CCSER1: variants seen among roughly 807,000 people sequenced by gnomAD.
CCSER1 encodes coiled-coil serine rich protein 1, also known as serine-rich coiled-coil domain-containing protein 1.
In CCSER1, 41 loss-of-function variants were observed where a neutral mutation model predicts 82.0. The observed-to-expected ratio is 0.50, with a 90% CI of 0.39 to 0.65. The LOEUF (loss-of-function observed/expected upper bound fraction) is 0.65. CCSER1 is among the 30% of genes least tolerant of loss of function. The pLI is 0.00. For missense variants in CCSER1, 1,119 were observed against 1,064.2 expected (o/e 1.05, Z -0.72); for synonymous variants, 414 against 383.9 (o/e 1.08, Z -0.92).
At chr4:90,448,113 C>G (rs1271500690) in intron 4 of CCSER1, among the ~76,000 whole-genome samples, 3 of 151,986 alleles carry the variant, frequency 2.0e-5, no homozygotes, top group African/African-American at 7.2e-5. Flanking sequence ...TCTAATATAT[C>G]AAGCACCTTC....
At chr4:90,730,594 G>A (rs895356084) in intron 7 of CCSER1, among the ~76,000 whole-genome samples, 49 of 152,240 alleles carry the variant, frequency 3.2e-4, no homozygotes, top group African/African-American at 1.0e-3. Context: ...TGTCAGGTAG[G>A]GTGATAAATG....
chr4:90,625,975 T>C (rs1219208023), intron 5 of CCSER1, among the ~76,000 whole-genome samples: 1 of 152,168 alleles, frequency 6.6e-6, no homozygotes, highest in Non-Finnish European at 1.5e-5. Flanking sequence ...CTGAAAGTTG[T>C]GTCAGTCCTC....
intron 3 of CCSER1, among the ~76,000 whole-genome samples, chr4:90,396,047 C>G (rs574677057): frequency 1.3e-5 from 2 of 152,248 alleles, no homozygotes; most frequent in East Asian, 3.9e-4. Flanking sequence ...CACCCCTGCA[C>G]TCCAGCCTAG....
chr4:91,442,295 C>T (rs1229315653), intron 10 of CCSER1, among the ~76,000 whole-genome samples: 7 of 152,094 alleles, frequency 4.6e-5, no homozygotes, highest in Non-Finnish European at 1.0e-4. Flanking sequence ...TGGAACAGAA[C>T]AGAGCCCTCA....
intron 5 of CCSER1, among the ~76,000 whole-genome samples, chr4:90,604,754 A>C (rs568935294): frequency 6.6e-6 from 1 of 152,180 alleles, no homozygotes; most frequent in South Asian, 2.1e-4. Context: ...TGTCTAGCTC[A>C]TCTAGTGGGG....
chr4:90,260,196 G>A (rs1560896068), intron 1 of CCSER1, among the ~76,000 whole-genome samples: 1 of 152,112 alleles, frequency 6.6e-6, no homozygotes, highest in Non-Finnish European at 1.5e-5. Context: ...ATCTAAGAGG[G>A]TTGTATATTT....
At chr4:90,769,958 A>G (rs1751823821) in intron 7 of CCSER1, among the ~76,000 whole-genome samples, 1 of 152,144 alleles carries the variant, frequency 6.6e-6, no homozygotes, top group Non-Finnish European at 1.5e-5. Context: ...GGCTATGTTT[A>G]TTAGCTTCTA....
At chr4:90,976,339 T>C (rs1202640482) in intron 9 of CCSER1, among the ~76,000 whole-genome samples, 1 of 151,308 alleles carries the variant, frequency 6.6e-6, no homozygotes, top group Non-Finnish European at 1.5e-5. Context: ...AATGTTCACT[T>C]ACCAAAATGC....
Position 90,308,329 on chromosome 4 carries a change from G to A in CCSER1, c.45G>A (p.Leu15=). ...GSRRSTLVSR[L]PIFRRSINRR... ...GACGATCTACCCTGGTCTCCCGGTTGCCAATATTCAGAAGAAGTATTAACA... is the reference window on the plus strand; with the variant it reads ...GACGATCTACCCTGGTCTCCCGGTTACCAATATTCAGAAGAAGTATTAACA... The change falls in exon 2 of 11, where the codon TTG becomes TTA. Residue 15 remains leucine (L), a synonymous_variant. Coordinates refer to ENST00000509176, the MANE Select transcript of CCSER1 (RefSeq NM_001145065.2). The A allele has an allele frequency of 1.9e-6, 3 of 1,607,440 alleles. No individual in the cohort carries two copies. Among genetic ancestry groups the A allele is most frequent in the Non-Finnish European group, 2.5e-6 (3 of 1,176,654 alleles).
At chr4:90,147,528 A>T (rs1726042994) in intron 1 of CCSER1, among the ~76,000 whole-genome samples, 1 of 152,182 alleles carries the variant, frequency 6.6e-6, no homozygotes, top group South Asian at 2.1e-4. Flanking sequence ...AGGCTATTCT[A>T]GATTAATTTG....
chr4:91,159,481 C>T (rs1257652763), intron 10 of CCSER1, among the ~76,000 whole-genome samples: 2 of 151,792 alleles, frequency 1.3e-5, no homozygotes, highest in Admixed American at 6.6e-5. Flanking sequence ...TAGTAGTATA[C>T]ATGTCCTTTT....
At chr4:91,505,415 G>A (rs1245998550) in intron 10 of CCSER1, among the ~76,000 whole-genome samples, 1 of 152,174 alleles carries the variant, frequency 6.6e-6, no homozygotes, top group Non-Finnish European at 1.5e-5. Flanking sequence ...ATGCGTGCAT[G>A]TATCTGTATA....
chr4:91,541,557 T>A (rs1481275295), intron 10 of CCSER1, among the ~76,000 whole-genome samples: 3 of 152,226 alleles, frequency 2.0e-5, no homozygotes, highest in Non-Finnish European at 4.4e-5. Flanking sequence ...GGACATGAAC[T>A]CATCCTTTTT....
intron 9 of CCSER1, among the ~76,000 whole-genome samples, chr4:90,929,713 G>A (rs1729493013): frequency 6.6e-6 from 1 of 152,194 alleles, no homozygotes; most frequent in Admixed American, 6.5e-5. Context: ...TATTCATTAA[G>A]ATGAAACAGC....
chr4:90,504,131 G>A (rs558384931), intron 5 of CCSER1, among the ~76,000 whole-genome samples: 62 of 151,652 alleles, frequency 4.1e-4, no homozygotes, highest in Middle Eastern at 7.0e-3. Flanking sequence ...TTTAAGTAAT[G>A]TCCAATTGGC....
At chr4:90,239,009 C>T (rs1461093888) in intron 1 of CCSER1, among the ~76,000 whole-genome samples, 2 of 152,044 alleles carry the variant, frequency 1.3e-5, no homozygotes, top group Non-Finnish European at 1.5e-5. Flanking sequence ...TGCCACCACA[C>T]CCAGCTAATT....
intron 3 of CCSER1, among the ~76,000 whole-genome samples, chr4:90,387,304 G>A (rs1315296049): frequency 1.3e-5 from 2 of 151,790 alleles, no homozygotes; most frequent in African/African-American, 2.4e-5. Context: ...ATAGAAAATG[G>A]CACCTTTTTT....
chr4:91,022,317 A>G (rs577458259), intron 9 of CCSER1, among the ~76,000 whole-genome samples: 1 of 152,008 alleles, frequency 6.6e-6, no homozygotes, highest in Non-Finnish European at 1.5e-5. Context: ...CCATGTCCCT[A>G]CAAAAGACAT....
chr4:90,681,597 C>G lies in CCSER1; in HGVS notation c.1933-42317C>G, dbSNP rs1292600735. Among the ~76,000 whole-genome samples, 2 of 14,994 alleles carry G rather than the reference C, an allele frequency of 1.3e-4. 1 individual carries two copies. The highest frequency in any genetic ancestry group is 2.6e-4 in the Non-Finnish European group (2 of 7,796). The allele number at this position is 14,994 out of a possible 152,430, so 9.8% of individuals were successfully genotyped here. On this transcript the variant is annotated intron_variant, in intron 6 of 10. Transcript: ENST00000509176. The stretch of plus-strand genomic sequence containing the variant: ...GCCTCGCCCTGCTTCGGCTCGCGCA[C>G]GGTGCGCACACACACTGGCCTGCGC...
Sources: allele counts gnomAD v4.1 joint callset (sites outside exome capture counted in the v4.1 genomes callset), GRCh38; gene constraint gnomAD v4.1.1; transcripts MANE v1.5; gene names NCBI Gene and HGNC (gene_info 2026-07-23, HGNC 2026-07-21).